The following CENPP variants were observed in gnomAD, a reference collection of about 807,000 sequenced individuals.
CENPP encodes centromere protein P.
CENPP carries 24 observed loss-of-function variants against 35.6 expected under a neutral mutation model. The ratio of observed to expected loss-of-function variants is 0.67; its 90% confidence interval spans 0.49 to 0.95. The LOEUF (loss-of-function observed/expected upper bound fraction) is 0.95, where lower values mean the gene tolerates loss of function less well. Ranked by LOEUF, CENPP falls within the 40% of genes least tolerant of loss-of-function variation. The pLI, the probability that CENPP is intolerant of heterozygous loss-of-function variation, is 0.00. For synonymous variants in CENPP, 120 were observed against 125.5 expected (o/e 0.96, Z 0.29); for missense variants, 332 against 345.3 (o/e 0.96, Z 0.31).
rs1851548821 is a variant in CENPP at position 92,619,341 on chromosome 9, A to G, written c.*6192A>G. On this transcript the variant is annotated 3_prime_UTR_variant, in exon 8 of 8. Transcript: ENST00000375587. ...TAGAGGGCGAGAGTTAGTAAGCCCCATGATGTCACATAGGCCAAGGAAGTT... is the reference window on the plus strand; with the variant it reads ...TAGAGGGCGAGAGTTAGTAAGCCCCGTGATGTCACATAGGCCAAGGAAGTT... 1 of 646,246 alleles carries G rather than the reference A, an allele frequency of 1.5e-6. No individual in the cohort carries two copies. Among genetic ancestry groups the G allele is most frequent in the Non-Finnish European group, 2.8e-6 (1 of 357,948 alleles). 40.0% of individuals were successfully genotyped at this position (646,246 alleles called of 1,614,324 possible).
chr9:92,591,831 C>A (rs2131376355), intron 5 of CENPP, among the ~76,000 whole-genome samples: 1 of 152,236 alleles, frequency 6.6e-6, no homozygotes, highest in East Asian at 1.9e-4. Context: ...GGCATCTTGG[C>A]ACTCATCACA....
rs1848163644 is a variant in CENPP, at chr9:92,522,844, C to A, written c.565-88470C>A. The A allele has an allele frequency of 6.2e-7, 1 of 1,605,934 alleles. No homozygotes were observed. The highest frequency in any genetic ancestry group is 8.5e-7 in the Non-Finnish European group (1 of 1,177,734). On this transcript the variant is annotated intron_variant, in intron 5 of 7. Coordinates refer to ENST00000375587, the MANE Select transcript of CENPP (RefSeq NM_001012267.3). The stretch of plus-strand genomic sequence containing the variant: ...TTGAAAAATGATAAGCAGAAAAAAA[C>A]AAAACAAAACTGCAATCTTCATGTT...
intron 5 of CENPP, chr9:92,494,298 C>G: frequency 1.6e-6 from 1 of 624,760 alleles, no homozygotes; most frequent in East Asian, 3.1e-5. Context: ...TGCCTTAAAC[C>G]ATTTATGTCA....
intron 4 of CENPP, among the ~76,000 whole-genome samples, chr9:92,365,658 G>A (rs997553992): frequency 1.2e-4 from 18 of 151,476 alleles, no homozygotes; most frequent in Middle Eastern, 3.2e-3. Context: ...TGATCCACCC[G>A]TCTGGGCCTC....
At chr9:92,336,929 G>A (rs547122277) in intron 2 of CENPP, among the ~76,000 whole-genome samples, 208 of 152,294 alleles carry the variant, frequency 1.4e-3, no homozygotes, top group African/African-American at 4.8e-3. Flanking sequence ...ACTAGATAGT[G>A]TTGAAAAAAT....
chr9:92,517,906 T>G lies in CENPP; in HGVS notation c.565-93408T>G, dbSNP rs375273601. ...AGAAAACAAAAGCACAAATTTAAAT[T>G]TCTTATGTGATTATCAGTAACTGTG... is the stretch of plus-strand genomic sequence containing the variant. On this transcript the variant is annotated intron_variant, in intron 5 of 7. Transcript: ENST00000375587. 79 of 1,612,558 alleles carry G rather than the reference T, an allele frequency of 4.9e-5. No individual in the cohort carries two copies. In the African/African-American group the frequency reaches 8.9e-4, roughly 18 times the overall value.
At position 92,613,205 on chromosome 9, in the gene CENPP, T is replaced by C; in HGVS notation, c.*56T>C. The C allele has an allele frequency of 2.5e-6, 4 of 1,608,330 alleles. No individual in the cohort carries two copies. Among genetic ancestry groups the C allele is most frequent in the Non-Finnish European group, 3.4e-6 (4 of 1,175,110 alleles). On this transcript the variant is annotated 3_prime_UTR_variant, in exon 8 of 8. Transcript: ENST00000375587. The stretch of plus-strand genomic sequence containing the variant: ...TGCTGCGTGGAGGAACATGCAATTT[T>C]ATTCAATATAAACATTTGCTATTTT...
chr9:92,611,229 C>T, intron 5 of CENPP, 85 bp from the exon 6 acceptor site: 1 of 1,111,018 alleles, frequency 9.0e-7, no homozygotes, highest in South Asian at 1.3e-5. Flanking sequence ...TTTCGCCAGA[C>T]ACCTGGAACG....
intron 5 of CENPP, among the ~76,000 whole-genome samples, chr9:92,489,523 T>C (rs1846131042): frequency 6.6e-6 from 1 of 152,228 alleles, no homozygotes; most frequent in Non-Finnish European, 1.5e-5. Context: ...CTGACTGTTT[T>C]AAATACAATT....
intron 5 of CENPP, among the ~76,000 whole-genome samples, chr9:92,570,223 A>G (rs1344358776): frequency 2.0e-5 from 3 of 152,094 alleles, no homozygotes; most frequent in Non-Finnish European, 4.4e-5. Flanking sequence ...TTTGTCATAG[A>G]TAGCTCTTAT....
intron 5 of CENPP, chr9:92,517,630 A>G: frequency 6.2e-7 from 1 of 1,603,114 alleles, no homozygotes; most frequent in Non-Finnish European, 8.5e-7. Flanking sequence ...TAACAAAAAC[A>G]AATGGAAGTT....
At chr9:92,569,774 TCTC>T (rs1850087485) in intron 5 of CENPP, among the ~76,000 whole-genome samples, 1 of 152,170 alleles carries the variant, frequency 6.6e-6, no homozygotes, top group Non-Finnish European at 1.5e-5. Flanking sequence ...GGTTTGTAGT[TCTC>T]CTTGAAGAGG....
chr9:92,571,660 GT>G (rs1295742750), intron 5 of CENPP, among the ~76,000 whole-genome samples: 2 of 152,294 alleles, frequency 1.3e-5, no homozygotes, highest in East Asian at 3.9e-4. Context: ...TGATTGATCT[GT>G]CTAATGTTGA....
intron 5 of CENPP, among the ~76,000 whole-genome samples, chr9:92,475,520 T>G (rs1037243935): frequency 1.3e-5 from 2 of 152,238 alleles, no homozygotes; most frequent in Non-Finnish European, 2.9e-5. Flanking sequence ...ATTACCTTTA[T>G]AATGAAAAAG....
intron 1 of CENPP, among the ~76,000 whole-genome samples, chr9:92,327,080 G>A (rs1840562446): frequency 6.6e-6 from 1 of 152,216 alleles, no homozygotes; most frequent in South Asian, 2.1e-4. Context: ...CAGATGGGAC[G>A]CTTTAGCATT....
chr9:92,346,257 G>A (rs866658568), intron 4 of CENPP, among the ~76,000 whole-genome samples: 4 of 152,066 alleles, frequency 2.6e-5, no homozygotes, highest in African/African-American at 9.7e-5. Flanking sequence ...AAACTCCTAG[G>A]CTCAAGCAGT....
At position 92,332,238 on chromosome 9, in the gene CENPP, A is replaced by T; in HGVS notation, c.176A>T (p.Gln59Leu). 7 of 1,613,166 alleles carry T rather than the reference A, an allele frequency of 4.3e-6. No homozygotes were observed. Among genetic ancestry groups the T allele is most frequent in the Non-Finnish European group, 5.9e-6 (7 of 1,179,542 alleles). The change falls in exon 2 of 8, where the codon CAG (glutamine) becomes CTG (leucine). Residue 59 changes from glutamine to leucine, a missense_variant. Gln to Leu is a moderately radical substitution (Grantham distance 113). Transcript: ENST00000375587. ...GWKSSKDLKN[Q>L]LGHLESELSF... ...AAGTCTTCAAAAGATCTGAAAAATC[A>T]GCTTGGACATTTAGAATCAGAACTT...
chr9:92,578,640 T>C (rs550781038), intron 5 of CENPP, among the ~76,000 whole-genome samples: 191 of 152,302 alleles, frequency 1.3e-3, no homozygotes, highest in African/African-American at 4.3e-3. Flanking sequence ...CACTTTTTGA[T>C]GGGGTTGTTT....
intron 5 of CENPP, among the ~76,000 whole-genome samples, chr9:92,564,258 G>A (rs959956887): frequency 4.6e-5 from 7 of 151,938 alleles, no homozygotes; most frequent in South Asian, 2.1e-4. Flanking sequence ...GTGTGATGGC[G>A]CACACCTGTA....
Sources: allele counts gnomAD v4.1 joint callset (sites outside exome capture counted in the v4.1 genomes callset), GRCh38; gene constraint gnomAD v4.1.1; transcripts MANE v1.5; gene names NCBI Gene and HGNC (gene_info 2026-07-23, HGNC 2026-07-21).